Variants in RBFOX1 observed in about 807,000 individuals in gnomAD.
RBFOX1 encodes RNA binding fox-1 homolog 1.
In RBFOX1, 8 loss-of-function variants were observed where a neutral mutation model predicts 57.7. The observed-to-expected ratio is 0.14, with a 90% confidence interval of 0.08 to 0.25. The LOEUF (loss-of-function observed/expected upper bound fraction) is 0.25. Among genes scored for constraint, RBFOX1 ranks in the 10% least tolerant of loss-of-function variants. RBFOX1 has a pLI of 1.00. For synonymous variants in RBFOX1, 326 were observed against 222.4 expected, an observed-to-expected ratio of 1.47 and a Z score of -4.15; for missense variants, 611 against 548.5, an observed-to-expected ratio of 1.11 and a Z score of -1.14.
At chr16:5,425,766 C>G (rs936001827) in intron 1 of RBFOX1, among the ~76,000 whole-genome samples, 6 of 152,148 alleles carry the variant, frequency 3.9e-5, no homozygotes, top group Non-Finnish European at 8.8e-5. Flanking sequence ...CTCAGGTTCC[C>G]ACCTCTTCCA....
At chr16:6,696,189 C>T (rs781037349) in intron 3 of RBFOX1, among the ~76,000 whole-genome samples, 1 of 152,106 alleles carries the variant, frequency 6.6e-6, no homozygotes, top group South Asian at 2.1e-4. Context: ...ATAATACTCT[C>T]TAGTTGATAT....
intron 2 of RBFOX1, among the ~76,000 whole-genome samples, chr16:6,409,847 T>C (rs2093401278): frequency 6.6e-6 from 1 of 152,166 alleles, no homozygotes; most frequent in African/African-American, 2.4e-5. Context: ...TCTGAGATAA[T>C]CATTTTGTCC....
chr16:5,758,062 A>G (rs1299713537), intron 3 of RBFOX1, among the ~76,000 whole-genome samples: 1 of 152,114 alleles, frequency 6.6e-6, no homozygotes, highest in Non-Finnish European at 1.5e-5. Context: ...GCCTGACGGG[A>G]CCCAAGTTGG....
intron 3 of RBFOX1, among the ~76,000 whole-genome samples, chr16:5,694,292 A>C (rs1244012329): frequency 6.6e-6 from 1 of 152,208 alleles, no homozygotes; most frequent in Non-Finnish European, 1.5e-5. Context: ...ACACTGCTAA[A>C]GTCATTTAAT....
chr16:7,644,804 G>A (rs1400460734), intron 11 of RBFOX1, among the ~76,000 whole-genome samples: 1 of 152,176 alleles, frequency 6.6e-6, no homozygotes, highest in Admixed American at 6.5e-5. Context: ...TAATATGATG[G>A]TAACTGGTAA....
At chr16:6,471,461 G>A (rs531013688) in intron 2 of RBFOX1, among the ~76,000 whole-genome samples, 8 of 151,838 alleles carry the variant, frequency 5.3e-5, no homozygotes, top group Middle Eastern at 3.2e-3. Context: ...CATTCTCCAG[G>A]CCTAAAAGAG....
intron 3 of RBFOX1, among the ~76,000 whole-genome samples, chr16:5,756,775 C>T (rs954357648): frequency 1.2e-4 from 18 of 152,142 alleles, no homozygotes; most frequent in Non-Finnish European, 1.6e-4. Flanking sequence ...TGTTACTTGC[C>T]AGGGATCTTG....
At chr16:6,418,658 G>A (rs1431871633) in intron 2 of RBFOX1, among the ~76,000 whole-genome samples, 1 of 151,316 alleles carries the variant, frequency 6.6e-6, no homozygotes, top group Non-Finnish European at 1.5e-5. Context: ...TAAGTAGCTG[G>A]GCTACAGGTG....
chr16:6,191,617 G>A (rs777047066), intron 1 of RBFOX1, among the ~76,000 whole-genome samples: 1 of 152,170 alleles, frequency 6.6e-6, no homozygotes, highest in Non-Finnish European at 1.5e-5. Flanking sequence ...CTGAGAAAGG[G>A]TAAGAAAACA....
At chr16:6,399,332 C>G (rs1567193961) in intron 2 of RBFOX1, among the ~76,000 whole-genome samples, 1 of 152,218 alleles carries the variant, frequency 6.6e-6, no homozygotes. Context: ...TGGTAATTGA[C>G]ATTCAGCTCC....
intron 2 of RBFOX1, among the ~76,000 whole-genome samples, chr16:5,588,486 T>C (rs2046903798): frequency 6.6e-6 from 1 of 152,138 alleles, no homozygotes; most frequent in South Asian, 2.1e-4. Flanking sequence ...AGTAGCATTC[T>C]GCTTTTTTTT....
At chr16:6,598,610 A>G (rs986556900) in intron 2 of RBFOX1, among the ~76,000 whole-genome samples, 1 of 152,022 alleles carries the variant, frequency 6.6e-6, no homozygotes, top group Non-Finnish European at 1.5e-5. Context: ...ATCTATACAT[A>G]TGATAAACAG....
chr16:7,053,436 A>C (rs555211981), intron 4 of RBFOX1, among the ~76,000 whole-genome samples: 2 of 152,276 alleles, frequency 1.3e-5, no homozygotes, highest in Non-Finnish European at 2.9e-5. Context: ...CTGTTAAATA[A>C]TGTATTACAA....
chr16:6,205,557 A>G (rs2097249670), intron 1 of RBFOX1, among the ~76,000 whole-genome samples: 1 of 152,150 alleles, frequency 6.6e-6, no homozygotes, highest in Non-Finnish European at 1.5e-5. Context: ...CTCCAGATTT[A>G]TGGTTCCCCT....
intron 1 of RBFOX1, among the ~76,000 whole-genome samples, chr16:6,045,796 G>C (rs182098971): frequency 2.0e-5 from 3 of 152,316 alleles, no homozygotes; most frequent in African/African-American, 7.2e-5. Flanking sequence ...TATGTCAATG[G>C]AGCGGCCAAT....
intron 1 of RBFOX1, among the ~76,000 whole-genome samples, chr16:6,025,045 G>GC (rs2095161840): frequency 6.6e-6 from 1 of 152,214 alleles, no homozygotes; most frequent in Non-Finnish European, 1.5e-5. Flanking sequence ...CCTGGGAAGG[G>GC]ACCCTGGCTG....
intron 3 of RBFOX1, among the ~76,000 whole-genome samples, chr16:5,820,274 G>T (rs935289207): frequency 2.6e-5 from 4 of 152,178 alleles, no homozygotes; most frequent in Non-Finnish European, 4.4e-5. Context: ...GTCTTATTCA[G>T]TTCTTTGTCT....
At chr16:7,583,109 C>T (rs1602466496) in intron 6 of RBFOX1, among the ~76,000 whole-genome samples, 1 of 151,074 alleles carries the variant, frequency 6.6e-6, no homozygotes, top group African/African-American at 2.4e-5. Flanking sequence ...TCATTGGAAG[C>T]ATTTGTTCCC....
chr16:5,956,917 C>A (rs1435980628), intron 4 of RBFOX1, among the ~76,000 whole-genome samples: 1 of 151,452 alleles, frequency 6.6e-6, no homozygotes, highest in East Asian at 1.9e-4. Context: ...AATCCATCTG[C>A]CTTGGCATCC....
Sources: allele counts gnomAD v4.1 joint callset (sites outside exome capture counted in the v4.1 genomes callset), GRCh38; gene constraint gnomAD v4.1.1; transcripts MANE v1.5; gene names NCBI Gene and HGNC (gene_info 2026-07-23, HGNC 2026-07-21).